PIAS4: variants seen among roughly 807,000 people sequenced by gnomAD.
PIAS4 encodes E3 SUMO-protein ligase PIAS4.
A neutral mutation model predicts 58.0 loss-of-function variants in PIAS4; 7 were observed. The ratio of observed to expected loss-of-function variants is 0.12; its 90% CI spans 0.07 to 0.23. The LOEUF (loss-of-function observed/expected upper bound fraction) is 0.23, where lower values mean the gene tolerates loss of function less well. Among genes scored for constraint, PIAS4 ranks in the 10% least tolerant of loss-of-function variants. PIAS4 has a pLI of 1.00. For synonymous variants in PIAS4, 364 were observed against 312.4 expected (o/e 1.17, Z -1.74); for missense variants, 550 against 709.5 (o/e 0.78, Z 2.55).
intron 3 of PIAS4, among the ~76,000 whole-genome samples, chr19:4,026,094 G>T (rs1243589481): frequency 8.1e-6 from 1 of 123,622 alleles, no homozygotes; most frequent in African/African-American, 3.7e-5. Flanking sequence ...AAAAAAAAAA[G>T]TTTGGTTTTC....
chr19:4,036,475 A>G, intron 9 of PIAS4, among the ~76,000 whole-genome samples: 1 of 146,890 alleles, frequency 6.8e-6, no homozygotes, highest in East Asian at 2.0e-4. Flanking sequence ...ACACCGTCAC[A>G]CATCCATACA....
intron 4 of PIAS4, 100 bp downstream of exon 4, chr19:4,028,287 T>C: frequency 1.1e-6 from 1 of 914,076 alleles, no homozygotes; most frequent in Non-Finnish European, 1.6e-6. Context: ...TCTCCCCTGC[T>C]AACAGCAGAG....
intron 2 of PIAS4, among the ~76,000 whole-genome samples, chr19:4,016,810 C>T (rs1299679125): frequency 6.6e-6 from 1 of 152,108 alleles, no homozygotes; most frequent in East Asian, 1.9e-4. Flanking sequence ...TCATTGTGGC[C>T]AGAACATGGT....
In PIAS4 at chr19:4,037,892, G is replaced by T. The variant is rs1191878518; in HGVS notation, c.*17G>T. ...GCCTGCTGACCCCGGCCGCACACTC[G>T]ACTTTCCTGGTGCTCACCACGCAGA... On this transcript the variant is annotated 3_prime_UTR_variant, in exon 11 of 11. Coordinates refer to ENST00000262971, the MANE Select transcript of PIAS4 (RefSeq NM_015897.4). This position sits in a 1 kb window ranked among gnomAD's most constrained non-coding sequence, Gnocchi z 5.8. The T allele has an allele frequency of 1.3e-6, 2 of 1,565,960 alleles. No homozygotes were observed. Among genetic ancestry groups the T allele is most frequent in the Admixed American group, 1.9e-5 (1 of 53,694 alleles).
chr19:4,028,818 C>T lies in PIAS4; in HGVS notation c.771C>T (p.Arg257=). ...HLMYLSSATN[R]ITVTWGNYGK... ...TGTACCTGTCCTCGGCCACCAACCG[C>T]ATCACTGTCACCTGGGGGAACTACG... The change falls in exon 6 of 11, where the codon CGC becomes CGT. Residue 257 remains arginine (R), a synonymous_variant. Coordinates refer to ENST00000262971, the MANE Select transcript of PIAS4 (RefSeq NM_015897.4). 3 of 1,613,524 alleles carry T rather than the reference C, an allele frequency of 1.9e-6. 1 individual carries two copies. Among genetic ancestry groups the T allele is most frequent in the Non-Finnish European group, 2.5e-6 (3 of 1,179,946 alleles).
Position 4,013,340 on chromosome 19 carries a change from A to T in PIAS4, c.445A>T (p.Thr149Ser), listed in dbSNP as rs1185642644. The change falls in exon 2 of 11, where the codon ACC (threonine) becomes TCC (serine). Residue 149 changes from threonine (T) to serine (S), a missense_variant. This residue lies in a region of PIAS4 where 225 missense variants were observed against 345.8 expected (regional missense o/e 0.65). Transcript: ENST00000262971. The surrounding 1 kb of genome is among the most constrained non-coding windows in gnomAD (Gnocchi z 5.1). ...TATGCTGGATGAGCTGCTGAAGCCC[A>T]CCGAATTAGGTGAGTGGTCACCCTG... is the stretch of plus-strand genomic sequence containing the variant. ...FNMLDELLKP[T>S]ELVPQNNEKL... 2 of 1,612,016 alleles carry T rather than the reference A, an allele frequency of 1.2e-6. No individual in the cohort carries two copies. Among genetic ancestry groups the T allele is most frequent in the Non-Finnish European group, 1.7e-6 (2 of 1,179,280 alleles).
At chr19:4,011,738 G>C (rs1365466565) in intron 1 of PIAS4, among the ~76,000 whole-genome samples, 2 of 58,576 alleles carry the variant, frequency 3.4e-5, no homozygotes, top group Non-Finnish European at 3.5e-5. Context: ...GTGTGGAGGT[G>C]TGTGGGGTGT....
In PIAS4 at chr19:4,036,165, AAC is replaced by A. The variant is rs1259565921; in HGVS notation, c.1143-1199_1143-1198del. 5.0e-4 allele frequency among the ~76,000 whole-genome samples: 3 copies of A among 5,952 alleles called. 1 individual carries two copies. Among genetic ancestry groups the A allele is most frequent in the East Asian group, 0.021 (2 of 96 alleles). 3.9% of individuals were successfully genotyped at this position (5,952 alleles called of 152,430 possible). On this transcript the variant is annotated intron_variant, in intron 9 of 10. Coordinates refer to ENST00000262971, the MANE Select transcript of PIAS4 (RefSeq NM_015897.4). ...TCCGTACAGTCCACACCGTCATACA[AAC>A]ACACACACATCTATACAGTCCACAC...
intron 2 of PIAS4, among the ~76,000 whole-genome samples, chr19:4,022,155 C>T (rs1812469266): frequency 1.3e-5 from 2 of 152,182 alleles, no homozygotes. Flanking sequence ...TGGTAATTTG[C>T]ATCTTTGGGA....
chr19:4,035,934 CCATACAGTCCACACCATAACACACA>C (rs1198812739), intron 9 of PIAS4, among the ~76,000 whole-genome samples: 8 of 136,266 alleles, frequency 5.9e-5, no homozygotes, highest in South Asian at 2.4e-4. Flanking sequence ...CTGCACACAT[CCATACAGTCCACACCATAACACACA>C]CATACAGTCC....
intron 3 of PIAS4, among the ~76,000 whole-genome samples, chr19:4,025,366 G>A (rs1039139905): frequency 1.3e-5 from 2 of 152,240 alleles, no homozygotes; most frequent in African/African-American, 4.8e-5. Context: ...GTCTCTCCGA[G>A]GCTGTACTGC....
intron 3 of PIAS4, among the ~76,000 whole-genome samples, chr19:4,026,181 G>A (rs767042809): frequency 6.9e-6 from 1 of 145,712 alleles, no homozygotes; most frequent in East Asian, 2.0e-4. Flanking sequence ...TCGCCAGGCT[G>A]GAGTGCAGTG....
rs546930826 is a variant in PIAS4, at chr19:4,015,530, T to C, written c.454+2181T>C. On this transcript the variant is annotated intron_variant, in intron 2 of 10. Transcript: ENST00000262971. ...CGCCAGGTGAACCTCCTTTCCTGGA[T>C]TCCGTGCTCTTGGGGGACTCCCTGG... is the stretch of plus-strand genomic sequence containing the variant. Among the ~76,000 whole-genome samples the C allele has an allele frequency of 2.0e-5, 3 of 152,268 alleles. No individual in the cohort carries two copies. The East Asian group carries it at 5.8e-4, about 29-fold the overall frequency.
intron 2 of PIAS4, among the ~76,000 whole-genome samples, chr19:4,021,787 C>T (rs1599222259): frequency 6.9e-6 from 1 of 145,110 alleles, no homozygotes; most frequent in Admixed American, 7.0e-5. Flanking sequence ...ATTCTGTTGC[C>T]CAGGCTGGAG....
chr19:4,022,971 A>G (rs1190617963), intron 2 of PIAS4, among the ~76,000 whole-genome samples: 1 of 151,496 alleles, frequency 6.6e-6, no homozygotes, highest in Non-Finnish European at 1.5e-5. Context: ...CGGGAGTTCG[A>G]GAGCAGCCTG....
chr19:4,024,301 G>A (rs536473294), intron 3 of PIAS4, among the ~76,000 whole-genome samples, 181 bp downstream of exon 3: 12 of 152,330 alleles, frequency 7.9e-5, no homozygotes, highest in African/African-American at 2.9e-4. Context: ...TGGGTCTCAG[G>A]TGCTGGCCTG....
chr19:4,013,166 G>T lies in PIAS4; in HGVS notation c.271G>T (p.Asp91Tyr). The change falls in exon 2 of 11, where the codon GAC becomes TAC. Residue 91 changes from aspartate (D) to tyrosine (Y), a missense_variant. Transcript: ENST00000262971. The surrounding 1 kb of genome is among the most constrained non-coding windows in gnomAD (Gnocchi z 5.1). ...CCCCCTGACCATGCACTCCACCTACGACCGGGCCGGCGCTGTGCCCAGGAC... is the reference window on the plus strand; with the variant it reads ...CCCCCTGACCATGCACTCCACCTACTACCGGGCCGGCGCTGTGCCCAGGAC... ...LDPLTMHSTY[D>Y]RAGAVPRTPL... The T allele has an allele frequency of 1.2e-6, 2 of 1,613,372 alleles. No homozygotes were observed. The highest frequency in any genetic ancestry group is 1.7e-6 in the Non-Finnish European group (2 of 1,180,016).
At chr19:4,010,379 C>T (rs1599212688) in intron 1 of PIAS4, among the ~76,000 whole-genome samples, 1 of 152,242 alleles carries the variant, frequency 6.6e-6, no homozygotes, top group East Asian at 1.9e-4. Context: ...CCCAGCCCAC[C>T]TGCCTTCGGC....
Position 4,037,561 on chromosome 19 carries a change from C to A in PIAS4, c.1274-55C>A. 6.2e-7 allele frequency: 1 copy of A among 1,607,508 alleles called. No individual in the cohort carries two copies. The highest frequency in any genetic ancestry group is 1.1e-5 in the South Asian group (1 of 91,068). On this transcript the variant is annotated intron_variant, in intron 10 of 10. Transcript: ENST00000262971. The surrounding 1 kb of genome is among the most constrained non-coding windows in gnomAD (Gnocchi z 5.8). Reference sequence around the variant, plus strand: ...CGCAGCCAGGGCCGCCTCAGTTTCCCCATTTATCAGTGGTTGCATCCTAAG... The same window carrying A: ...CGCAGCCAGGGCCGCCTCAGTTTCCACATTTATCAGTGGTTGCATCCTAAG...
Sources: allele counts gnomAD v4.1 joint callset (sites outside exome capture counted in the v4.1 genomes callset), GRCh38; gene constraint gnomAD v4.1.1; regional missense constraint gnomAD v4.1.1; non-coding constraint Gnocchi (gnomAD v3.1); transcripts MANE v1.5; gene names NCBI Gene and HGNC (gene_info 2026-07-23, HGNC 2026-07-21).